The following SLC39A11 variants were observed in gnomAD, a reference collection of about 807,000 sequenced individuals.
SLC39A11 encodes solute carrier family 39 member 11.
A neutral mutation model predicts 36.1 loss-of-function variants in SLC39A11; 33 were observed. The ratio of observed to expected loss-of-function variants is 0.91; its 90% CI spans 0.69 to 1.22. The LOEUF (loss-of-function observed/expected upper bound fraction) is 1.22. SLC39A11 is among the 50% of genes most tolerant of loss of function. The pLI is 0.00. For missense variants in SLC39A11, 432 were observed against 430.3 expected, an observed-to-expected ratio of 1.00 and a Z score of -0.03; for synonymous variants, 166 against 170.3, an observed-to-expected ratio of 0.97 and a Z score of 0.20.
chr17:72,976,857 AAAG>A (rs1344557774), intron 4 of SLC39A11, among the ~76,000 whole-genome samples: 1 of 152,176 alleles, frequency 6.6e-6, no homozygotes, highest in Non-Finnish European at 1.5e-5. Flanking sequence ...TCAAAAAAAA[AAAG>A]AAAAAAGAAA....
At chr17:72,988,614 A>G (rs982415425) in intron 4 of SLC39A11, among the ~76,000 whole-genome samples, 20 of 152,076 alleles carry the variant, frequency 1.3e-4, no homozygotes, top group African/African-American at 3.9e-4. Context: ...GTACCTTTTA[A>G]ACAACAACTC....
intron 5 of SLC39A11, among the ~76,000 whole-genome samples, chr17:72,863,405 G>T (rs2080142052): frequency 1.3e-5 from 2 of 152,102 alleles, no homozygotes; most frequent in South Asian, 4.2e-4. Context: ...GGACCCAAGG[G>T]AAACCCAAGG....
intron 6 of SLC39A11, among the ~76,000 whole-genome samples, chr17:72,765,337 T>C (rs964887475): frequency 6.6e-6 from 1 of 152,148 alleles, no homozygotes. Context: ...AATGATTGCA[T>C]TCACAACAAA....
At chr17:72,668,792 GT>G (rs1389660774) in intron 7 of SLC39A11, among the ~76,000 whole-genome samples, 3 of 152,176 alleles carry the variant, frequency 2.0e-5, no homozygotes, top group African/African-American at 7.2e-5. Context: ...TAACTAATCT[GT>G]GGAAATAGGA....
intron 4 of SLC39A11, among the ~76,000 whole-genome samples, chr17:73,015,871 C>T (rs771262473): frequency 1.3e-4 from 20 of 152,204 alleles, no homozygotes; most frequent in South Asian, 4.2e-4. Context: ...TGTGAGCCAC[C>T]GTGCCCAGCC....
chr17:73,038,786 G>GGGAT (rs1568169672), intron 3 of SLC39A11, among the ~76,000 whole-genome samples: 1 of 141,976 alleles, frequency 7.0e-6, no homozygotes, highest in Non-Finnish European at 1.6e-5. Context: ...GGAGGGAGGA[G>GGGAT]GGAGGAGGGA....
intron 3 of SLC39A11, among the ~76,000 whole-genome samples, chr17:73,059,663 A>G (rs1397763915): frequency 6.6e-6 from 1 of 150,722 alleles, no homozygotes; most frequent in African/African-American, 2.4e-5. Flanking sequence ...CCAAAAAAAA[A>G]AAAAAACTGG....
intron 3 of SLC39A11, among the ~76,000 whole-genome samples, chr17:73,082,877 G>A (rs1001311653): frequency 1.5e-4 from 23 of 151,872 alleles, no homozygotes; most frequent in Admixed American, 2.0e-4. Context: ...TTAGCCAGGC[G>A]TGGTGGTGCA....
chr17:73,090,099 C>T (rs1400921777), intron 1 of SLC39A11, among the ~76,000 whole-genome samples: 1 of 152,164 alleles, frequency 6.6e-6, no homozygotes, highest in African/African-American at 2.4e-5. Context: ...TGCCAGTTCC[C>T]GGTGCTCTGT....
chr17:72,656,566 T>C (rs760247953), intron 7 of SLC39A11, among the ~76,000 whole-genome samples: 19 of 147,270 alleles, frequency 1.3e-4, no homozygotes, highest in South Asian at 2.1e-4. Context: ...CAGGGAGTCA[T>C]TGGGGAGGAG....
At chr17:72,933,357 C>A (rs1476264119) in intron 5 of SLC39A11, among the ~76,000 whole-genome samples, 1 of 151,964 alleles carries the variant, frequency 6.6e-6, no homozygotes, top group Non-Finnish European at 1.5e-5. Context: ...TAAATCTAAC[C>A]AACGGTAGAG....
chr17:72,819,088 G>A (rs970381591), intron 6 of SLC39A11: 6 of 151,470 alleles, frequency 4.0e-5, no homozygotes, highest in Admixed American at 6.6e-5. Flanking sequence ...ATATGTGAAC[G>A]TCCCAACTCG....
intron 7 of SLC39A11, among the ~76,000 whole-genome samples, chr17:72,729,403 A>ATT (rs200398125): frequency 0.018 from 745 of 41,826 alleles, 76 homozygotes; most frequent in Non-Finnish European, 0.026. Context: ...CCACCTGGCT[A>ATT]TTTATATATA....
At chr17:72,660,702 G>A (rs932591971) in intron 7 of SLC39A11, among the ~76,000 whole-genome samples, 4 of 152,152 alleles carry the variant, frequency 2.6e-5, no homozygotes, top group African/African-American at 9.7e-5. Flanking sequence ...AGGGTTTAAT[G>A]GAGTGGAACG....
intron 5 of SLC39A11, among the ~76,000 whole-genome samples, chr17:72,929,811 A>G (rs1469560697): frequency 6.6e-6 from 1 of 152,170 alleles, no homozygotes; most frequent in Non-Finnish European, 1.5e-5. Flanking sequence ...AGAACTGCCA[A>G]TTGGTTCTAA....
chr17:72,771,483 G>T (rs576796985), intron 6 of SLC39A11, among the ~76,000 whole-genome samples: 5 of 152,162 alleles, frequency 3.3e-5, no homozygotes, highest in African/African-American at 1.2e-4. Context: ...GGAGGAAATG[G>T]GGGGGTTACA....
intron 7 of SLC39A11, among the ~76,000 whole-genome samples, chr17:72,672,290 A>C (rs1344251343): frequency 1.3e-5 from 2 of 152,118 alleles, no homozygotes; most frequent in Non-Finnish European, 2.9e-5. Context: ...CTCTACTAAA[A>C]ATACAAAAAT....
rs535361168 is a variant in SLC39A11, at chr17:72,653,500, C to T, written c.672-4232G>A. Among the ~76,000 whole-genome samples, 17 of 149,226 alleles carry T rather than the reference C, an allele frequency of 1.1e-4. No individual in the cohort carries two copies. In the South Asian group the frequency reaches 3.0e-3, roughly 26 times the overall value. On this transcript the variant is annotated intron_variant, in intron 7 of 9. Coordinates refer to ENST00000255559, the MANE Select transcript of SLC39A11 (RefSeq NM_139177.4). ...CACCCAGGCTGAAGTGGTGCAGTGG[C>T]GTGATCTCAGCTCACTGCAACCTCC... is the stretch of plus-strand genomic sequence containing the variant.
At chr17:72,802,875 A>G (rs2077138329) in intron 6 of SLC39A11, among the ~76,000 whole-genome samples, 1 of 152,142 alleles carries the variant, frequency 6.6e-6, no homozygotes, top group Non-Finnish European at 1.5e-5. Flanking sequence ...AAAACTATGG[A>G]AAGTCCCCAT....
Sources: allele counts gnomAD v4.1 joint callset (sites outside exome capture counted in the v4.1 genomes callset), GRCh38; gene constraint gnomAD v4.1.1; transcripts MANE v1.5; gene names NCBI Gene and HGNC (gene_info 2026-07-23, HGNC 2026-07-21).